The following CCDC171 variants were observed in gnomAD, a reference collection of about 807,000 sequenced individuals.
CCDC171 encodes the protein coiled-coil domain-containing protein 171.
CCDC171 carries 177 observed loss-of-function variants against 168.2 expected under a neutral mutation model. The ratio of observed to expected loss-of-function variants is 1.05; its 90% confidence interval spans 0.93 to 1.19. The LOEUF (loss-of-function observed/expected upper bound fraction) is 1.19, where lower values mean the gene tolerates loss of function less well. Ranked by LOEUF, CCDC171 falls within the 50% of genes most tolerant of loss-of-function variation. The pLI, the probability that CCDC171 is intolerant of heterozygous loss-of-function variation, is 0.00. For missense variants in CCDC171, 1,991 were observed against 1,539.0 expected, an observed-to-expected ratio of 1.29 and a Z score of -4.91; for synonymous variants, 687 against 540.8, an observed-to-expected ratio of 1.27 and a Z score of -3.75.
At chr9:15,875,825 T>C (rs748972499) in intron 24 of CCDC171, 3 of 152,012 alleles carry the variant, frequency 2.0e-5, no homozygotes, top group Non-Finnish European at 2.9e-5. Context: ...CTAAAATATA[T>C]ATAATTATAA....
chr9:15,629,916 C>G (rs967557720), intron 7 of CCDC171, among the ~76,000 whole-genome samples: 5 of 152,112 alleles, frequency 3.3e-5, no homozygotes, highest in African/African-American at 1.2e-4. Context: ...AATTTCTTAT[C>G]CAGCCAAACT....
intron 7 of CCDC171, among the ~76,000 whole-genome samples, chr9:15,635,545 G>T (rs2132403234): frequency 6.6e-6 from 1 of 152,258 alleles, no homozygotes; most frequent in South Asian, 2.1e-4. Flanking sequence ...TAGCCATGCT[G>T]GCAGCTGATT....
chr9:15,597,693 T>A (rs1587280236), intron 6 of CCDC171, among the ~76,000 whole-genome samples: 1 of 152,210 alleles, frequency 6.6e-6, no homozygotes, highest in East Asian at 1.9e-4. Context: ...TCTTTTTCTA[T>A]TGATTGGAAT....
chr9:15,640,577 A>T (rs2046531095), intron 7 of CCDC171, among the ~76,000 whole-genome samples: 2 of 152,160 alleles, frequency 1.3e-5, no homozygotes, highest in South Asian at 4.1e-4. Flanking sequence ...CAGTGACATT[A>T]ATGTAAATAC....
chr9:16,068,707 C>G, the CCDC171 span, among the ~76,000 whole-genome samples: 1 of 152,174 alleles, frequency 6.6e-6, no homozygotes, highest in Non-Finnish European at 1.5e-5. Context: ...CAACATTGTA[C>G]AGAGATTCCT....
chr9:16,071,462 C>A, the CCDC171 span, among the ~76,000 whole-genome samples: 2 of 152,178 alleles, frequency 1.3e-5, no homozygotes, highest in African/African-American at 2.4e-5. Flanking sequence ...TCCAGCTACT[C>A]TTGTGGTGTC....
intron 7 of CCDC171, among the ~76,000 whole-genome samples, chr9:15,644,598 C>G (rs1471046606): frequency 1.3e-5 from 2 of 152,204 alleles, no homozygotes; most frequent in African/African-American, 4.8e-5. Flanking sequence ...AGATTATATC[C>G]CGCACCTGGC....
Position 15,664,700 on chromosome 9 carries a change from T to G in CCDC171, c.916-1463T>G, listed in dbSNP as rs1343145125. Among the ~76,000 whole-genome samples, 101 of 146,822 alleles carry G rather than the reference T, an allele frequency of 6.9e-4. 1 individual carries two copies. The highest frequency in any genetic ancestry group is 1.2e-3 in the Admixed American group (18 of 14,778). On this transcript the variant is annotated intron_variant, in intron 8 of 25. Transcript: ENST00000380701. ...ACACAGGGAATATAGTTTTGTTTTT[T>G]TTTTTTTTTTTTTTTGAGACGGAGT...
At chr9:15,725,696 C>A (rs1159333775) in intron 14 of CCDC171, among the ~76,000 whole-genome samples, 1 of 152,092 alleles carries the variant, frequency 6.6e-6, no homozygotes, top group Non-Finnish European at 1.5e-5. Context: ...GTGATCTGCC[C>A]ACCTTGGCCT....
chr9:15,820,529 A>G (rs2059728134), intron 21 of CCDC171, among the ~76,000 whole-genome samples: 1 of 117,884 alleles, frequency 8.5e-6, no homozygotes, highest in Admixed American at 8.0e-5. Flanking sequence ...CCACAGAAAT[A>G]CAAACTACCA....
Position 15,802,172 on chromosome 9 carries a change from C to T in CCDC171, c.3267+17478C>T, listed in dbSNP as rs979128798. On this transcript the variant is annotated intron_variant, in intron 21 of 25. Transcript: ENST00000380701. ...ATTATGACAAATGTTGGTGTGGTTTCTTTGTGTTTTTCCTACTGAGGGTTT... is the reference window on the plus strand; with the variant it reads ...ATTATGACAAATGTTGGTGTGGTTTTTTTGTGTTTTTCCTACTGAGGGTTT... 2.0e-5 allele frequency among the ~76,000 whole-genome samples: 3 copies of T among 150,972 alleles called. No individual in the cohort carries two copies. In the East Asian group the frequency reaches 5.8e-4, roughly 29 times the overall value.
chr9:15,714,419 G>C (rs187343198), intron 11 of CCDC171, among the ~76,000 whole-genome samples: 70 of 152,234 alleles, frequency 4.6e-4, no homozygotes, highest in Admixed American at 2.0e-3. Context: ...GGTGGGTTCA[G>C]GTACCTACTG....
At chr9:15,986,327 T>C (rs759520945) in intron 3 of CCDC171, among the ~76,000 whole-genome samples, 5 of 152,338 alleles carry the variant, frequency 3.3e-5, no homozygotes, top group African/African-American at 4.8e-5. Flanking sequence ...TGATTCTTCA[T>C]TGAGTATACT....
intron 24 of CCDC171, among the ~76,000 whole-genome samples, chr9:15,884,827 A>C (rs1336586502): frequency 6.6e-6 from 1 of 152,148 alleles, no homozygotes; most frequent in Non-Finnish European, 1.5e-5. Context: ...ATATTAGTAA[A>C]AGCTAAGTTG....
At chr9:15,814,610 T>C (rs576194300) in intron 21 of CCDC171, among the ~76,000 whole-genome samples, 44 of 143,278 alleles carry the variant, frequency 3.1e-4, no homozygotes, top group African/African-American at 1.1e-3. Flanking sequence ...TTCTTTTTTT[T>C]CTGAGAAAAG....
At chr9:16,038,721 G>T (rs73645248), upstream of CCDC171, among the ~76,000 whole-genome samples, 2,584 of 151,852 alleles carry the variant, frequency 0.017, 91 homozygotes, top group African/African-American at 0.06. Context: ...CCTAAAAAAT[G>T]TTAATGAACT....
the CCDC171 span, among the ~76,000 whole-genome samples, chr9:16,094,787 G>T: frequency 1.3e-5 from 2 of 152,184 alleles, no homozygotes; most frequent in African/African-American, 2.4e-5. Context: ...GGTCATCCAA[G>T]AAACAGGTTA....
At chr9:16,108,926 TAAAAA>T in the CCDC171 span, among the ~76,000 whole-genome samples, 2 of 152,012 alleles carry the variant, frequency 1.3e-5, no homozygotes, top group Non-Finnish European at 2.9e-5. Context: ...AATGTAACAA[TAAAAA>T]CATAAATGTT....
chr9:15,810,559 G>A (rs560843242), intron 21 of CCDC171, among the ~76,000 whole-genome samples: 2 of 152,186 alleles, frequency 1.3e-5, no homozygotes, highest in Non-Finnish European at 2.9e-5. Flanking sequence ...TGAGGAGGCG[G>A]CTGAGGCCCG....
Sources: gnomAD v4.1 joint callset for allele counts (sites outside exome capture counted in the v4.1 genomes callset) on GRCh38, gnomAD v4.1.1 for gene constraint, MANE v1.5 for transcripts, NCBI Gene and HGNC (gene_info 2026-07-23, HGNC 2026-07-21) for gene names.